CHSY1: variants seen among roughly 807,000 people sequenced by gnomAD.
CHSY1 encodes N-acetylgalactosaminyl-proteoglycan 3-beta-glucuronosyltransferase 1.
CHSY1 carries 13 observed loss-of-function variants against 59.8 expected under a neutral mutation model. That is an observed-to-expected ratio of 0.22 (90% CI 0.14 to 0.35). CHSY1 has a LOEUF of 0.35. CHSY1 is among the 10% of genes least tolerant of loss of function. CHSY1 has a pLI of 1.00. For missense variants in CHSY1, 947 were observed against 1,030.6 expected (o/e 0.92, Z 1.11); for synonymous variants, 459 against 401.2 (o/e 1.14, Z -1.72).
intron 1 of CHSY1, among the ~76,000 whole-genome samples, chr15:101,247,777 T>C (rs940451194): frequency 1.3e-5 from 2 of 152,188 alleles, no homozygotes; most frequent in South Asian, 2.1e-4. Context: ...CTCAAGCAGA[T>C]GGCAGGTCTA....
chr15:101,180,272 T>C (rs967414093), intron 2 of CHSY1, among the ~76,000 whole-genome samples: 1 of 152,234 alleles, frequency 6.6e-6, no homozygotes, highest in African/African-American at 2.4e-5. Flanking sequence ...GGCTAACCTC[T>C]ACCTCCTGGG....
intron 1 of CHSY1, 58 bp downstream of exon 1, chr15:101,251,079 G>C (rs2039104482): frequency 6.7e-7 from 1 of 1,484,520 alleles, no homozygotes; most frequent in Non-Finnish European, 9.0e-7. Context: ...GAGCACCCGG[G>C]ATGCCGGCCG....
intron 1 of CHSY1, among the ~76,000 whole-genome samples, chr15:101,240,449 C>T (rs557342644): frequency 7.4e-4 from 112 of 152,338 alleles, no homozygotes; most frequent in Admixed American, 1.6e-3. Flanking sequence ...AGAACTCTCA[C>T]TTAATTGAAA....
chr15:101,227,283 CATT>C (rs2038849847), intron 2 of CHSY1, among the ~76,000 whole-genome samples: 1 of 152,184 alleles, frequency 6.6e-6, no homozygotes, highest in African/African-American at 2.4e-5. Context: ...AAAGAACTGT[CATT>C]ATCTGACCTA....
chr15:101,204,719 C>T (rs2038607790), intron 2 of CHSY1, among the ~76,000 whole-genome samples: 1 of 151,426 alleles, frequency 6.6e-6, no homozygotes, highest in Non-Finnish European at 1.5e-5. Context: ...GCCTGACTGA[C>T]ATAATGAAAC....
At chr15:101,244,345 G>T (rs1049437338) in intron 1 of CHSY1, among the ~76,000 whole-genome samples, 3 of 152,200 alleles carry the variant, frequency 2.0e-5, no homozygotes, top group Admixed American at 2.0e-4. Flanking sequence ...GAAAACGGTT[G>T]TGACACTAAC....
At position 101,222,357 on chromosome 15, in the gene CHSY1, T is replaced by C. The variant is rs113466378; in HGVS notation, c.816+12725A>G. ...GCCACTTTGTACTTCAAGACAATTTTGGATTTAAAGAAGAATTGTAAAGAT... is the reference window on the plus strand; with the variant it reads ...GCCACTTTGTACTTCAAGACAATTTCGGATTTAAAGAAGAATTGTAAAGAT... On this transcript the variant is annotated intron_variant, in intron 2 of 2. Coordinates refer to ENST00000254190, the MANE Select transcript of CHSY1 (RefSeq NM_014918.5). Among the ~76,000 whole-genome samples the C allele has an allele frequency of 3.4e-3, 520 of 152,360 alleles. 4 individuals are homozygous for C. The highest frequency in any genetic ancestry group is 0.012 in the African/African-American group (487 of 41,572).
intron 2 of CHSY1, among the ~76,000 whole-genome samples, chr15:101,214,526 C>T (rs918360908): frequency 6.6e-6 from 1 of 152,194 alleles, no homozygotes. Flanking sequence ...TGCTTACATA[C>T]TTTGGTATAT....
chr15:101,246,445 A>C (rs2039053365), intron 1 of CHSY1, among the ~76,000 whole-genome samples: 1 of 152,096 alleles, frequency 6.6e-6, no homozygotes, highest in Non-Finnish European at 1.5e-5. Flanking sequence ...GTAGCCAAGA[A>C]ATGTTTGAAG....
intron 2 of CHSY1, among the ~76,000 whole-genome samples, chr15:101,216,488 C>T (rs1567099170): frequency 6.6e-6 from 1 of 152,194 alleles, no homozygotes; most frequent in African/African-American, 2.4e-5. Context: ...AACCAAATGT[C>T]TTTCAGTGGG....
intron 2 of CHSY1, among the ~76,000 whole-genome samples, chr15:101,180,037 TAA>T (rs1567337381): frequency 6.6e-6 from 1 of 152,264 alleles, no homozygotes; most frequent in African/African-American, 2.4e-5. Flanking sequence ...TTCATATTGT[TAA>T]AGACTAACTC....
In CHSY1 at chr15:101,177,397, C is replaced by G. The variant is rs2038205887; in HGVS notation, c.2400G>C (p.Arg800Ser). Residue 800 changes from arginine to serine, a missense_variant, in exon 3 of 3, where the codon AGG becomes AGC. Physicochemically the swap from Arg to Ser is moderately radical, Grantham distance 110 (BLOSUM62 -1). Around this residue, in one of 4 missense-constraint regions of CHSY1, gnomAD observed 602 missense variants for 676.9 expected, o/e 0.89. Transcript: ENST00000254190. Reference sequence around the variant, plus strand: ...CCAGCAAAGCTGGACATTAGGCTGTCCTCACTGAGCCATTATTATTGCTGC... The same window carrying G: ...CCAGCAAAGCTGGACATTAGGCTGTGCTCACTGAGCCATTATTATTGCTGC... ...SKSSNNNGSV[R>S]TA 1 of 1,611,820 alleles carries G rather than the reference C, an allele frequency of 6.2e-7. No individual in the cohort carries two copies. The highest frequency in any genetic ancestry group is 8.5e-7 in the Non-Finnish European group (1 of 1,179,456).
At position 101,251,443 on chromosome 15, in the gene CHSY1, C is replaced by G; in HGVS notation, c.14G>C (p.Gly5Ala). 1.9e-6 allele frequency: 2 copies of G among 1,060,434 alleles called. No individual in the cohort carries two copies. Among genetic ancestry groups the G allele is most frequent in the Non-Finnish European group, 2.3e-6 (2 of 871,278 alleles). 65.7% of individuals were successfully genotyped at this position (1,060,434 alleles called of 1,614,324 possible). A position where few individuals can be genotyped will look rare whatever the true frequency, so the allele number is the denominator to read the frequency against. ...CAGCACGCTGAGCCAGGCGCGCCGG[C>G]CGCGCGCGGCCATGCCCGCGCCGCT... The part of the protein sequence containing the change: MAAR[G>A]RRAWLSVLLG... The change falls in exon 1 of 3, where the codon GGC becomes GCC. Residue 5 changes from glycine (G) to alanine (A), a missense_variant. Coordinates refer to ENST00000254190, the MANE Select transcript of CHSY1 (RefSeq NM_014918.5).
At chr15:101,180,316 A>G (rs117525519) in intron 2 of CHSY1, among the ~76,000 whole-genome samples, 8 of 152,308 alleles carry the variant, frequency 5.3e-5, no homozygotes, top group Non-Finnish European at 1.2e-4. Flanking sequence ...CAAGAATTAG[A>G]GCAGAATTAC....
At chr15:101,232,146 T>C (rs112651232) in intron 2 of CHSY1, among the ~76,000 whole-genome samples, 65 of 152,350 alleles carry the variant, frequency 4.3e-4, no homozygotes, top group African/African-American at 1.5e-3. Flanking sequence ...AAGGTACTAT[T>C]TCTACTCGCC....
At chr15:101,233,007 G>A (rs1374571827) in intron 2 of CHSY1, among the ~76,000 whole-genome samples, 1 of 148,252 alleles carries the variant, frequency 6.7e-6, no homozygotes, top group African/African-American at 2.6e-5. Context: ...GCAGGGAGAC[G>A]GGACCACACG....
At chr15:101,220,661 C>T (rs1365876266) in intron 2 of CHSY1, among the ~76,000 whole-genome samples, 1 of 152,180 alleles carries the variant, frequency 6.6e-6, no homozygotes, top group African/African-American at 2.4e-5. Flanking sequence ...GCTCGTCTGC[C>T]CCAACTCTCA....
intron 2 of CHSY1, among the ~76,000 whole-genome samples, chr15:101,227,576 G>A (rs2141270715): frequency 6.6e-6 from 1 of 152,308 alleles, no homozygotes; most frequent in Non-Finnish European, 1.5e-5. Flanking sequence ...TATTACTCCT[G>A]GGAATCTACA....
At chr15:101,196,933 T>A (rs1179799247) in intron 2 of CHSY1, among the ~76,000 whole-genome samples, 1 of 152,240 alleles carries the variant, frequency 6.6e-6, no homozygotes, top group Admixed American at 6.5e-5. Flanking sequence ...AGCAATTCAG[T>A]GAACTACTGG....
Sources: gnomAD v4.1 joint callset for allele counts (sites outside exome capture counted in the v4.1 genomes callset) on GRCh38, gnomAD v4.1.1 for gene constraint, gnomAD v4.1.1 regional missense constraint, MANE v1.5 for transcripts, NCBI Gene and HGNC (gene_info 2026-07-23, HGNC 2026-07-21) for gene names.